Variants in ZC3H4 observed in about 807,000 individuals in gnomAD.
The protein encoded by ZC3H4 is zinc finger CCCH domain-containing protein 4.
In ZC3H4, 13 loss-of-function variants were observed where a neutral mutation model predicts 108.3. The ratio of observed to expected loss-of-function variants is 0.12; its 90% CI spans 0.08 to 0.19. The LOEUF is 0.19. ZC3H4 is among the 10% of genes least tolerant of loss of function. The pLI is 1.00. For missense variants in ZC3H4, 1,734 were observed against 1,838.8 expected, an observed-to-expected ratio of 0.94 and a Z score of 1.04; for synonymous variants, 917 against 749.6, an observed-to-expected ratio of 1.22 and a Z score of -3.65.
Position 47,112,413 on chromosome 19 carries a change from G to C in ZC3H4, c.161+11C>G. ...CCGGGGACGCAGCCCCGGCCCAACCGGGGGCCTGACCTGTCGTCAGGGAGC... is the reference window on the plus strand; with the variant it reads ...CCGGGGACGCAGCCCCGGCCCAACCCGGGGCCTGACCTGTCGTCAGGGAGC... On this transcript the variant is annotated intron_variant, in intron 2 of 14. Coordinates refer to ENST00000253048, the MANE Select transcript of ZC3H4 (RefSeq NM_015168.2). The C allele has an allele frequency of 8.1e-7, 1 of 1,234,160 alleles. No homozygotes were observed. The allele number at this position is 1,234,160 out of a possible 1,614,324, so 76.5% of individuals were successfully genotyped here. A position where few individuals can be genotyped will look rare whatever the true frequency, so the allele number is the denominator to read the frequency against.
At chr19:47,074,604 G>C (rs2057385582) in intron 11 of ZC3H4, among the ~76,000 whole-genome samples, 1 of 152,232 alleles carries the variant, frequency 6.6e-6, no homozygotes, top group Non-Finnish European at 1.5e-5. Context: ...CCAGTAAGAG[G>C]GGCTCACTGC....
At chr19:47,080,661 AAT>A (rs1491133153) in intron 11 of ZC3H4, among the ~76,000 whole-genome samples, 1 of 109,904 alleles carries the variant, frequency 9.1e-6, no homozygotes, top group Admixed American at 9.7e-5. Context: ...ATACCTGGCT[AAT>A]TTTTTTTTTT....
chr19:47,088,379 TC>T (rs1308816518), intron 5 of ZC3H4, among the ~76,000 whole-genome samples: 1 of 150,646 alleles, frequency 6.6e-6, no homozygotes, highest in African/African-American at 2.4e-5. Context: ...TGAAACCCCA[TC>T]TCTACTAAAA....
chr19:47,076,785 G>A (rs905039738), intron 11 of ZC3H4, among the ~76,000 whole-genome samples: 3 of 152,156 alleles, frequency 2.0e-5, no homozygotes. Flanking sequence ...ACGAGGTCAG[G>A]AGTTCGAGAC....
chr19:47,069,724 G>T lies in ZC3H4; in HGVS notation c.2147-381C>A, dbSNP rs536795036. 2.7e-4 allele frequency among the ~76,000 whole-genome samples: 41 copies of T among 152,302 alleles called. 1 individual carries two copies. In the South Asian group the frequency reaches 7.7e-3, roughly 28 times the overall value. On this transcript the variant is annotated intron_variant, in intron 13 of 14. Coordinates refer to ENST00000253048, the MANE Select transcript of ZC3H4 (RefSeq NM_015168.2). ...TTTCCTGTACTTTTAAATTATTTTGGATGGATAGGAGTTGCACGGTTTCTT... is the reference window on the plus strand; with the variant it reads ...TTTCCTGTACTTTTAAATTATTTTGTATGGATAGGAGTTGCACGGTTTCTT...
At chr19:47,096,040 C>T (rs1178145045) in intron 2 of ZC3H4, among the ~76,000 whole-genome samples, 2 of 152,226 alleles carry the variant, frequency 1.3e-5, no homozygotes, top group Non-Finnish European at 2.9e-5. Context: ...CCAGGACCCT[C>T]CACTGTCCTT....
intron 8 of ZC3H4, among the ~76,000 whole-genome samples, chr19:47,084,844 T>C (rs2057587625): frequency 6.6e-6 from 1 of 152,234 alleles, no homozygotes; most frequent in Admixed American, 6.5e-5. Flanking sequence ...CAGGTGCTGC[T>C]AATGACATGG....
rs765024383 is a variant in ZC3H4, at chr19:47,072,590, G to A, written c.1564C>T (p.Arg522Trp). ...GTTGGAGCCTGCGGGCCAGGGGGCC[G>A]AGGAGGGGTGGGCAGGAGGCCCACA... ...PGVGLLPTPP[R>W]PPGPQAPTSP... The change falls in exon 12 of 15, where the codon CGG becomes TGG. Residue 522 changes from arginine to tryptophan, a missense_variant. Coordinates refer to ENST00000253048, the MANE Select transcript of ZC3H4 (RefSeq NM_015168.2). The surrounding 1 kb of genome is among the most constrained non-coding windows in gnomAD (Gnocchi z 5.6). 15 of 1,599,626 alleles carry A rather than the reference G, an allele frequency of 9.4e-6. No individual in the cohort carries two copies. Among genetic ancestry groups the A allele is most frequent in the Non-Finnish European group, 1.2e-5 (14 of 1,175,178 alleles).
intron 2 of ZC3H4, among the ~76,000 whole-genome samples, chr19:47,110,728 C>A (rs983889074): frequency 6.6e-6 from 1 of 152,216 alleles, no homozygotes; most frequent in African/African-American, 2.4e-5. Flanking sequence ...GAGTAATGCA[C>A]CTGCCCCCGG....
intron 2 of ZC3H4, among the ~76,000 whole-genome samples, chr19:47,105,502 AAGC>A (rs1257269193): frequency 6.6e-6 from 1 of 152,210 alleles, no homozygotes; most frequent in Non-Finnish European, 1.5e-5. Flanking sequence ...CAGGAGGCTG[AAGC>A]AGGAGAATCC....
chr19:47,089,873 G>C, intron 5 of ZC3H4, 94 bp downstream of exon 5: 2 of 1,339,834 alleles, frequency 1.5e-6, no homozygotes, highest in Non-Finnish European at 2.1e-6. Flanking sequence ...CCAACCCTAA[G>C]TGACCAAACT....
intron 2 of ZC3H4, among the ~76,000 whole-genome samples, chr19:47,099,884 G>C (rs535915193): frequency 2.3e-3 from 343 of 149,768 alleles, no homozygotes; most frequent in African/African-American, 8.1e-3. Flanking sequence ...CATGGGAACA[G>C]CAGCGGTTAC....
intron 2 of ZC3H4, among the ~76,000 whole-genome samples, chr19:47,097,675 C>A (rs893000060): frequency 6.6e-6 from 1 of 152,192 alleles, no homozygotes; most frequent in Non-Finnish European, 1.5e-5. Context: ...TAACAGACTG[C>A]CGGCAAAATC....
intron 2 of ZC3H4, among the ~76,000 whole-genome samples, chr19:47,099,459 C>CAA (rs1163189126): frequency 7.8e-6 from 1 of 127,688 alleles, no homozygotes. Flanking sequence ...AACTCCGTCT[C>CAA]AAAAAAAAAA....
chr19:47,085,840 T>C (rs1315561070), intron 6 of ZC3H4, among the ~76,000 whole-genome samples: 1 of 152,188 alleles, frequency 6.6e-6, no homozygotes, highest in Non-Finnish European at 1.5e-5. Context: ...GATGGGATGT[T>C]TTCACAGCAC....
intron 13 of ZC3H4, among the ~76,000 whole-genome samples, chr19:47,070,059 C>T (rs986204601): frequency 6.6e-6 from 1 of 152,018 alleles, no homozygotes; most frequent in African/African-American, 2.4e-5. Flanking sequence ...GAGGGGAGGG[C>T]AGGCTCGGCG....
chr19:47,079,774 C>G (rs2057488972), intron 11 of ZC3H4, among the ~76,000 whole-genome samples: 1 of 152,232 alleles, frequency 6.6e-6, no homozygotes, highest in Non-Finnish European at 1.5e-5. Context: ...GTAGTCCCAG[C>G]TACTCGGGAG....
At chr19:47,068,473 G>A (rs1047700897) in intron 14 of ZC3H4, among the ~76,000 whole-genome samples, 1 of 152,218 alleles carries the variant, frequency 6.6e-6, no homozygotes, top group East Asian at 1.9e-4. Context: ...AGGCAGGGCC[G>A]GCTGGGCAGA....
In ZC3H4 at chr19:47,085,060, A is replaced by G; in HGVS notation, c.1103T>C (p.Met368Thr). 6.2e-7 allele frequency: 1 copy of G among 1,614,166 alleles called. No homozygotes were observed. The highest frequency in any genetic ancestry group is 8.5e-7 in the Non-Finnish European group (1 of 1,180,008). The change falls in exon 8 of 15, where the codon ATG becomes ACG. Residue 368 changes from methionine (M) to threonine (T), a missense_variant. Met to Thr is a moderately conservative substitution (Grantham distance 81). Transcript: ENST00000253048. ...NDDEDFYDED[M>T]GDGGGGSYRS... ...ATCAGAGTGGAGTCAACTCACGCCC[A>G]TGTCCTCGTCATAGAAGTCTTCGTC... is the stretch of plus-strand genomic sequence containing the variant.
Sources: allele counts gnomAD v4.1 joint callset (sites outside exome capture counted in the v4.1 genomes callset), GRCh38; gene constraint gnomAD v4.1.1; non-coding constraint Gnocchi (gnomAD v3.1); transcripts MANE v1.5; gene names NCBI Gene and HGNC (gene_info 2026-07-23, HGNC 2026-07-21).